Variants in KIAA0825 observed in about 807,000 individuals in gnomAD.
The protein encoded by KIAA0825 is KIAA0825.
Under a neutral mutation model 147.6 loss-of-function variants are expected in KIAA0825, and 119 were observed. The observed-to-expected ratio is 0.81, with a 90% CI of 0.69 to 0.94. The LOEUF (loss-of-function observed/expected upper bound fraction) is 0.94, where lower values mean the gene tolerates loss of function less well. KIAA0825 is among the 40% of genes least tolerant of loss of function. The pLI is 0.00. For synonymous variants in KIAA0825, 470 were observed against 518.1 expected (o/e 0.91, Z 1.26); for missense variants, 1,381 against 1,472.7 (o/e 0.94, Z 1.02).
intron 20 of KIAA0825, among the ~76,000 whole-genome samples, chr5:94,158,136 G>C (rs1295627777): frequency 6.6e-6 from 1 of 152,180 alleles, no homozygotes; most frequent in Admixed American, 6.5e-5. Flanking sequence ...CCCCAGGCAA[G>C]TTTTTTAACC....
intron 20 of KIAA0825, among the ~76,000 whole-genome samples, chr5:94,242,577 C>A (rs1375915002): frequency 6.6e-6 from 1 of 151,860 alleles, no homozygotes; most frequent in East Asian, 1.9e-4. Flanking sequence ...TTCCTTCCTT[C>A]CTTTTTTTCT....
intron 5 of KIAA0825, among the ~76,000 whole-genome samples, chr5:94,486,333 G>A (rs1453803951): frequency 6.6e-6 from 1 of 151,994 alleles, no homozygotes; most frequent in South Asian, 2.1e-4. Context: ...TCATCACATG[G>A]ATGGTAGAAG....
In KIAA0825 at chr5:94,262,142, A is replaced by G. The variant is rs144042908; in HGVS notation, c.3711-108018T>C. 4.7e-3 allele frequency among the ~76,000 whole-genome samples: 718 copies of G among 152,268 alleles called. 6 individuals are homozygous for G. The highest frequency in any genetic ancestry group is 6.8e-3 in the Non-Finnish European group (460 of 68,014). On this transcript the variant is annotated intron_variant, in intron 20 of 20. Transcript: ENST00000682413. Reference sequence around the variant, plus strand: ...CAAATCCTAAAAGAAATATAGGCAAAGGAATTAAGCAGCCAATTTACATAA... The same window carrying G: ...CAAATCCTAAAAGAAATATAGGCAAGGGAATTAAGCAGCCAATTTACATAA...
chr5:94,212,975 A>T (rs1772855593), intron 20 of KIAA0825, among the ~76,000 whole-genome samples: 1 of 152,228 alleles, frequency 6.6e-6, no homozygotes, highest in Non-Finnish European at 1.5e-5. Context: ...TATGATCCAG[A>T]TTACTGTATA....
At chr5:94,287,390 T>C (rs1777708052) in intron 20 of KIAA0825, among the ~76,000 whole-genome samples, 1 of 152,184 alleles carries the variant, frequency 6.6e-6, no homozygotes, top group African/African-American at 2.4e-5. Flanking sequence ...TGAATCCTGA[T>C]TTGCCAGATT....
chr5:94,272,106 CAAAAAAAAAAAA>C (rs70975898), intron 20 of KIAA0825, among the ~76,000 whole-genome samples: 2 of 66,630 alleles, frequency 3.0e-5, no homozygotes, highest in Admixed American at 2.1e-4. Context: ...TTTGTAGGAG[CAAAAAAAAAAAA>C]AAAAAAAAAA....
At chr5:94,290,080 C>T (rs188085177) in intron 20 of KIAA0825, among the ~76,000 whole-genome samples, 21 of 152,094 alleles carry the variant, frequency 1.4e-4, no homozygotes, top group Admixed American at 1.2e-3. Flanking sequence ...TTGAATAGCA[C>T]ATCACAGATA....
chr5:94,400,096 G>A (rs147585771), intron 16 of KIAA0825, among the ~76,000 whole-genome samples: 2 of 152,006 alleles, frequency 1.3e-5, no homozygotes, highest in South Asian at 4.1e-4. Context: ...ATCCTTAGCT[G>A]TGCCCACAAA....
At chr5:94,314,580 C>T (rs1296106205) in intron 20 of KIAA0825, among the ~76,000 whole-genome samples, 3 of 151,544 alleles carry the variant, frequency 2.0e-5, no homozygotes, top group East Asian at 3.9e-4. Context: ...CAGTTATCAC[C>T]ATAATTGCTG....
intron 20 of KIAA0825, among the ~76,000 whole-genome samples, chr5:94,358,508 A>G (rs1282578831): frequency 6.6e-6 from 1 of 152,190 alleles, no homozygotes; most frequent in Admixed American, 6.5e-5. Flanking sequence ...TAAATACTAA[A>G]ATTCATTTTA....
intron 20 of KIAA0825, among the ~76,000 whole-genome samples, chr5:94,166,722 G>T (rs1168329734): frequency 6.6e-6 from 1 of 151,674 alleles, no homozygotes; most frequent in Admixed American, 6.6e-5. Context: ...TGGCCAGGCT[G>T]GTCTTGAACT....
Position 94,235,868 on chromosome 5 carries a change from A to T in KIAA0825, c.3711-81744T>A, listed in dbSNP as rs1040430896. On this transcript the variant is annotated intron_variant, in intron 20 of 20. Coordinates refer to ENST00000682413, the MANE Select transcript of KIAA0825 (RefSeq NM_001145678.3). Reference sequence around the variant, plus strand: ...GGAATAATAAAGCTTGAATCATGGGATATCAGTTTATTGCATGGTTTACTG... The same window carrying T: ...GGAATAATAAAGCTTGAATCATGGGTTATCAGTTTATTGCATGGTTTACTG... Among the ~76,000 whole-genome samples the T allele has an allele frequency of 5.9e-5, 9 of 152,336 alleles. No individual in the cohort carries two copies. In the East Asian group the frequency reaches 1.5e-3, roughly 26 times the overall value.
At chr5:94,328,707 C>G (rs1780956484) in intron 20 of KIAA0825, among the ~76,000 whole-genome samples, 1 of 151,682 alleles carries the variant, frequency 6.6e-6, no homozygotes, top group African/African-American at 2.4e-5. Flanking sequence ...AAATACCATT[C>G]TCCTTTGCTT....
At chr5:94,426,864 G>A (rs1266992436) in intron 14 of KIAA0825, among the ~76,000 whole-genome samples, 3 of 152,104 alleles carry the variant, frequency 2.0e-5, no homozygotes, top group African/African-American at 7.2e-5. Flanking sequence ...AAAATGGTAA[G>A]AATAGTAAAA....
chr5:94,585,692 AAT>A (rs1348604601), intron 1 of KIAA0825, among the ~76,000 whole-genome samples: 3 of 152,200 alleles, frequency 2.0e-5, no homozygotes, highest in African/African-American at 4.8e-5. Context: ...AACCGGGCTT[AAT>A]AGATATCTAC....
chr5:94,341,431 C>T (rs958035623), intron 20 of KIAA0825, among the ~76,000 whole-genome samples: 4 of 152,188 alleles, frequency 2.6e-5, no homozygotes, highest in Admixed American at 2.6e-4. Context: ...TCATCATCAT[C>T]CATCATCATC....
chr5:94,180,147 G>A (rs551556910), intron 20 of KIAA0825, among the ~76,000 whole-genome samples: 2 of 151,916 alleles, frequency 1.3e-5, no homozygotes, highest in African/African-American at 2.4e-5. Flanking sequence ...AAATGATCAA[G>A]GGTAACATCA....
At chr5:94,347,488 T>C (rs1388578636) in intron 20 of KIAA0825, among the ~76,000 whole-genome samples, 1 of 152,210 alleles carries the variant, frequency 6.6e-6, no homozygotes, top group Admixed American at 6.5e-5. Context: ...CTCTGTGCAG[T>C]CAACCCCCAG....
intron 20 of KIAA0825, among the ~76,000 whole-genome samples, chr5:94,247,115 A>G: frequency 6.6e-6 from 1 of 152,130 alleles, no homozygotes; most frequent in East Asian, 1.9e-4. Context: ...ATATGGGGGA[A>G]GCTCCTTGCC....
Sources: allele counts gnomAD v4.1 joint callset (sites outside exome capture counted in the v4.1 genomes callset), GRCh38; gene constraint gnomAD v4.1.1; transcripts MANE v1.5; gene names NCBI Gene and HGNC (gene_info 2026-07-23, HGNC 2026-07-21).